Variants in UNC79 observed in about 807,000 individuals in gnomAD.
The protein encoded by UNC79 is protein unc-79 homolog.
UNC79 carries 37 observed loss-of-function variants against 283.1 expected under a neutral mutation model. That is an observed-to-expected ratio of 0.13 (90% CI 0.10 to 0.17). UNC79 has a LOEUF of 0.17. Ranked by LOEUF, UNC79 falls within the 10% of genes least tolerant of loss-of-function variation. UNC79 has a pLI of 1.00. For synonymous variants in UNC79, 1,107 were observed against 1,200.2 expected, an observed-to-expected ratio of 0.92 and a Z score of 1.61; for missense variants, 2,272 against 3,211.1, an observed-to-expected ratio of 0.71 and a Z score of 7.07.
chr14:93,579,793 T>C (rs2141723098), intron 18 of UNC79, among the ~76,000 whole-genome samples: 1 of 152,314 alleles, frequency 6.6e-6, no homozygotes, highest in East Asian at 1.9e-4. Flanking sequence ...GCTCATGGTA[T>C]TTAGAAACCA....
intron 14 of UNC79, among the ~76,000 whole-genome samples, chr14:93,563,562 G>A (rs1031599428): frequency 3.3e-5 from 5 of 152,180 alleles, no homozygotes; most frequent in Admixed American, 1.3e-4. Flanking sequence ...GAGAGGTAGT[G>A]CAGCGGGGGC....
chr14:93,355,823 A>G (rs960786646), intron 1 of UNC79, among the ~76,000 whole-genome samples: 5 of 152,116 alleles, frequency 3.3e-5, no homozygotes, highest in East Asian at 3.9e-4. Flanking sequence ...CAGCCTTTAC[A>G]TAGGTAGCTA....
At chr14:93,613,705 C>A (rs1026553187) in intron 27 of UNC79, among the ~76,000 whole-genome samples, 1 of 152,152 alleles carries the variant, frequency 6.6e-6, no homozygotes, top group Non-Finnish European at 1.5e-5. Flanking sequence ...TGAGCCACTG[C>A]GCCCGGCCAG....
In UNC79 at chr14:93,430,989, A is replaced by G. The variant is rs1021134774; in HGVS notation, c.-41A>G. 1.4e-6 allele frequency: 1 copy of G among 700,288 alleles called. No individual in the cohort carries two copies. Among genetic ancestry groups the G allele is most frequent in the African/African-American group, 1.8e-5 (1 of 56,830 alleles). The allele number at this position is 700,288 out of a possible 1,614,324, so 43.4% of individuals were successfully genotyped here. A position where few individuals can be genotyped will look rare whatever the true frequency, so the allele number is the denominator to read the frequency against. ...CTGGCGGAGCGAGGGAGCTCACACGACACAGATTTTGGGGCAAAGCCTTTC... is the reference window on the plus strand; with the variant it reads ...CTGGCGGAGCGAGGGAGCTCACACGGCACAGATTTTGGGGCAAAGCCTTTC... On this transcript the variant is annotated 5_prime_UTR_variant, in exon 1 of 49. Transcript: ENST00000555664. This position sits in a 1 kb window ranked among gnomAD's most constrained non-coding sequence, Gnocchi z 4.6.
chr14:93,393,743 G>A (rs1233311135), intron 1 of UNC79, among the ~76,000 whole-genome samples: 3 of 152,074 alleles, frequency 2.0e-5, no homozygotes, highest in Non-Finnish European at 4.4e-5. Flanking sequence ...AGAAATTCAA[G>A]TATTCTTTTC....
At position 93,508,218 on chromosome 14, in the gene UNC79, C is replaced by A. The variant is rs77004916; in HGVS notation, c.898+10932C>A. Reference sequence around the variant, plus strand: ...CAATTTCTGTCGAAAAAAAAAAAAACCCACTAAACCCGAAAAAAGGCCAGG... The same window carrying A: ...CAATTTCTGTCGAAAAAAAAAAAAAACCACTAAACCCGAAAAAAGGCCAGG... On this transcript the variant is annotated intron_variant, in intron 7 of 48. Coordinates refer to ENST00000555664, the Ensembl canonical transcript of UNC79. Among the ~76,000 whole-genome samples, 113 of 146,752 alleles carry A rather than the reference C, an allele frequency of 7.7e-4. 2 individuals are homozygous for A. The East Asian group carries it at 0.014, about 18-fold the overall frequency.
intron 1 of UNC79, among the ~76,000 whole-genome samples, chr14:93,418,347 C>T (rs1247442601): frequency 6.6e-5 from 10 of 151,820 alleles, no homozygotes; most frequent in South Asian, 2.1e-4. Context: ...TTTCGTGAAC[C>T]GTGAATGCTG....
intron 1 of UNC79, chr14:93,347,258 C>G (rs766597116): frequency 6.3e-7 from 1 of 1,599,070 alleles, no homozygotes; most frequent in South Asian, 1.1e-5. Context: ...CTTTGTCTCA[C>G]CTGACGCGAT....
chr14:93,642,909 C>T (rs541027316), intron 33 of UNC79, among the ~76,000 whole-genome samples: 1 of 152,276 alleles, frequency 6.6e-6, no homozygotes, highest in South Asian at 2.1e-4. Context: ...ATGAAATGGA[C>T]CCTACATTAG....
chr14:93,476,427 G>T (rs1046680145), intron 3 of UNC79, among the ~76,000 whole-genome samples: 1 of 152,108 alleles, frequency 6.6e-6, no homozygotes, highest in African/African-American at 2.4e-5. Flanking sequence ...GCACAGCTTC[G>T]GTTAATTCTT....
At chr14:93,564,752 C>G (rs975477975) in intron 14 of UNC79, among the ~76,000 whole-genome samples, 4 of 142,580 alleles carry the variant, frequency 2.8e-5, no homozygotes, top group Non-Finnish European at 4.8e-5. Context: ...GGAGGTTGTT[C>G]TCTGGCTGGC....
chr14:93,472,848 T>C (rs913203762), intron 2 of UNC79, among the ~76,000 whole-genome samples: 2 of 152,152 alleles, frequency 1.3e-5, no homozygotes, highest in African/African-American at 4.8e-5. Context: ...TAAACTGTTA[T>C]CTACTTGGAC....
intron 1 of UNC79, among the ~76,000 whole-genome samples, chr14:93,419,129 TA>T (rs2055534020): frequency 6.6e-6 from 1 of 151,010 alleles, no homozygotes; most frequent in Admixed American, 6.6e-5. Context: ...CTGGGAGCTG[TA>T]GACCGGAGCT....
rs187963472 is a variant in UNC79 at position 93,653,735 on chromosome 14, A to C, written c.6084-7A>C. The C allele has an allele frequency of 4.6e-4, 746 of 1,610,566 alleles. 3 individuals carry two copies. The highest frequency in any genetic ancestry group is 3.4e-5 in the Non-Finnish European group (40 of 1,177,650). On this transcript the variant is annotated splice_polypyrimidine_tract_variant and splice_region_variant and intron_variant, in intron 35 of 48. Transcript: ENST00000555664. ...CTTCGTGTCTTTTCTCCCCTGTTCA[A>C]CTCCAGCATGATGGTTCCCGGCAAT...
chr14:93,600,537 C>A, intron 24 of UNC79, 32 bp from the exon 25 acceptor site: 1 of 1,538,978 alleles, frequency 6.5e-7, no homozygotes, highest in South Asian at 1.2e-5. Flanking sequence ...TGACTTTCTT[C>A]TTTTCTTTTT....
At chr14:93,396,201 TTTG>T (rs900670001) in intron 1 of UNC79, among the ~76,000 whole-genome samples, 2 of 152,092 alleles carry the variant, frequency 1.3e-5, no homozygotes, top group Non-Finnish European at 2.9e-5. Context: ...CCTTTCAGTT[TTTG>T]TTATTTTCAA....
At position 93,595,076 on chromosome 14, in the gene UNC79, C is replaced by CTT. The variant is rs547051985; in HGVS notation, c.3190+1250_3190+1251dup. On this transcript the variant is annotated intron_variant, in intron 23 of 48. Transcript: ENST00000555664. ...TGGTTATGTTACTTCTCTTTCTTTCCTTTTTTTTTTTTCTGTTTGTTTGTT... is the reference window on the plus strand; with the variant it reads ...TGGTTATGTTACTTCTCTTTCTTTCCTTTTTTTTTTTTTTCTGTTTGTTTGTT... Among the ~76,000 whole-genome samples the CTT allele has an allele frequency of 5.4e-4, 77 of 142,850 alleles. No homozygotes were observed. The South Asian group carries it at 0.016, about 30-fold the overall frequency. 93.7% of individuals were successfully genotyped at this position (142,850 alleles called of 152,430 possible).
In UNC79 at chr14:93,580,518, A is replaced by G. The variant is rs1296934484; in HGVS notation, c.2661+142A>G. 8 of 846,108 alleles carry G rather than the reference A, an allele frequency of 9.5e-6. No homozygotes were observed. The East Asian group carries it at 1.4e-4, about 14-fold the overall frequency. 52.4% of individuals were successfully genotyped at this position (846,108 alleles called of 1,614,324 possible). On this transcript the variant is annotated intron_variant, in intron 19 of 48. Transcript: ENST00000555664. ...GACTGTGTTAAAAGAAACTTTTCCC[A>G]TTGCTTCTGCCAACTCAGGCTCTTG...
At chr14:93,404,037 G>A (rs2055165603) in intron 1 of UNC79, among the ~76,000 whole-genome samples, 1 of 152,008 alleles carries the variant, frequency 6.6e-6, no homozygotes, top group African/African-American at 2.4e-5. Flanking sequence ...ACTTCAGTAA[G>A]AAAGAAAAGT....
Sources: gnomAD v4.1 joint callset for allele counts (sites outside exome capture counted in the v4.1 genomes callset) on GRCh38, gnomAD v4.1.1 for gene constraint, Gnocchi (gnomAD v3.1) non-coding constraint, MANE v1.5 for transcripts, NCBI Gene and HGNC (gene_info 2026-07-23, HGNC 2026-07-21) for gene names.